ZNF541: variants seen among roughly 807,000 people sequenced by gnomAD.
ZNF541 encodes zinc finger protein 541.
Under a neutral mutation model 123.5 loss-of-function variants are expected in ZNF541, and 23 were observed. That is an observed-to-expected ratio of 0.19 (90% confidence interval 0.13 to 0.26). ZNF541 has a LOEUF of 0.26. Among genes scored for constraint, ZNF541 ranks in the 10% least tolerant of loss-of-function variants. ZNF541 has a pLI of 1.00. For missense variants in ZNF541, 1,612 were observed against 1,789.9 expected, an observed-to-expected ratio of 0.90 and a Z score of 1.79; for synonymous variants, 751 against 754.5, an observed-to-expected ratio of 1.00 and a Z score of 0.08.
chr19:47,539,983 G>T, intron 7 of ZNF541, 105 bp from the exon 8 acceptor site: 1 of 1,479,144 alleles, frequency 6.8e-7, no homozygotes, highest in Non-Finnish European at 8.9e-7. Flanking sequence ...CAGTGAGTCT[G>T]TGGCATGGAC....
intron 3 of ZNF541, among the ~76,000 whole-genome samples, chr19:47,551,819 C>A (rs941093813): frequency 6.6e-6 from 1 of 150,782 alleles, no homozygotes; most frequent in Non-Finnish European, 1.5e-5. Flanking sequence ...CAGGCGTGAA[C>A]CATACATAGC....
At chr19:47,552,727 A>C (rs1970652219) in intron 3 of ZNF541, among the ~76,000 whole-genome samples, 1 of 104,036 alleles carries the variant, frequency 9.6e-6, no homozygotes, top group African/African-American at 3.6e-5. Flanking sequence ...TGGGCGATAG[A>C]GCGAGACTCC....
intron 3 of ZNF541, among the ~76,000 whole-genome samples, chr19:47,555,144 C>T (rs931557980): frequency 2.0e-5 from 3 of 148,692 alleles, no homozygotes; most frequent in South Asian, 2.1e-4. Flanking sequence ...CTGAGGCGGG[C>T]GGATCATGAG....
chr19:47,543,767 C>A (rs924492889), intron 5 of ZNF541, among the ~76,000 whole-genome samples: 3 of 150,884 alleles, frequency 2.0e-5, no homozygotes, highest in Non-Finnish European at 3.0e-5. Flanking sequence ...CTCAGCCTCT[C>A]GAGTAGCTGG....
rs898005761 is a variant in ZNF541 at position 47,543,571 on chromosome 19, G to GA, written c.2403+554dup. ...AAGGCAAATCCAAAGGGAAACAAGAGAAAAAAAAAAGCAAAAAAGGCTTTG... is the reference window on the plus strand; with the variant it reads ...AAGGCAAATCCAAAGGGAAACAAGAGAAAAAAAAAAAGCAAAAAAGGCTTTG... On this transcript the variant is annotated intron_variant, in intron 5 of 16. Transcript: ENST00000391901. Among the ~76,000 whole-genome samples, 50 of 134,978 alleles carry GA rather than the reference G, an allele frequency of 3.7e-4. No homozygotes were observed. In the East Asian group the frequency reaches 6.4e-3, roughly 17 times the overall value. The allele number at this position is 134,978 out of a possible 152,430, so 88.6% of individuals were successfully genotyped here.
chr19:47,530,335 A>C (rs907940318), intron 12 of ZNF541, among the ~76,000 whole-genome samples: 2 of 131,906 alleles, frequency 1.5e-5, no homozygotes. Context: ...CTCCCTGCTA[A>C]TTTTTTTTTT....
chr19:47,521,134 G>A lies in ZNF541; in HGVS notation c.*90C>T, dbSNP rs1473820105. The A allele has an allele frequency of 4.1e-6, 6 of 1,453,128 alleles. No homozygotes were observed. In the African/African-American group the frequency reaches 7.1e-5, roughly 17 times the overall value. 90.0% of individuals were successfully genotyped at this position (1,453,128 alleles called of 1,614,324 possible). ...CCAACAGGGGACAGGGAGGGTGGGG[G>A]GAGGCAGAGGGGTGCCCCAAACGCC... On this transcript the variant is annotated 3_prime_UTR_variant, in exon 17 of 17. Coordinates refer to ENST00000391901, the MANE Select transcript of ZNF541 (RefSeq NM_001277075.3). The surrounding 1 kb of genome is among the most constrained non-coding windows in gnomAD (Gnocchi z 4.2).
At position 47,545,205 on chromosome 19, in the gene ZNF541, G is replaced by C; in HGVS notation, c.1324C>G (p.Arg442Gly). The C allele has an allele frequency of 6.5e-7, 1 of 1,528,602 alleles. No homozygotes were observed. 94.7% of individuals were successfully genotyped at this position (1,528,602 alleles called of 1,614,324 possible). ...VVHKPSAVPS[R>G]EGSESGPGPS... is the part of the protein sequence containing the mutation. ...CCCGGGCCAGACTCGGAGCCCTCCC[G>C]CGAGGGCACGGCCGAGGGCTTGTGG... Residue 442 changes from arginine (R) to glycine (G), a missense_variant, in exon 5 of 17, where the codon CGG (arginine) becomes GGG (glycine). Physicochemically the swap from Arg to Gly is moderately radical, Grantham distance 125. Around this residue, in one of 5 missense-constraint regions of ZNF541, gnomAD observed 1,080 missense variants for 1,013.8 expected, o/e 1.07. Coordinates refer to ENST00000391901, the MANE Select transcript of ZNF541 (RefSeq NM_001277075.3). This position sits in a 1 kb window ranked among gnomAD's most constrained non-coding sequence, Gnocchi z 7.5.
Position 47,526,481 on chromosome 19 carries a change from CA to C in ZNF541, c.3570+2468del, listed in dbSNP as rs71180847. Among the ~76,000 whole-genome samples, 79 of 34,944 alleles carry C rather than the reference CA, an allele frequency of 2.3e-3. 1 individual carries two copies. Among genetic ancestry groups the C allele is most frequent in the Middle Eastern group, 0.014 (1 of 74 alleles). The allele number at this position is 34,944 out of a possible 152,430, so 22.9% of individuals were successfully genotyped here. A position where few individuals can be genotyped will look rare whatever the true frequency, so the allele number is the denominator to read the frequency against. ...TGGGCAACAGAGTGAGACTCCATCTCAAAAAAAAAAAAAAAAAAAGAAAACA... is the reference window on the plus strand; with the variant it reads ...TGGGCAACAGAGTGAGACTCCATCTCAAAAAAAAAAAAAAAAAAGAAAACA... On this transcript the variant is annotated intron_variant, in intron 14 of 16. Coordinates refer to ENST00000391901, the MANE Select transcript of ZNF541 (RefSeq NM_001277075.3).
At chr19:47,571,611 CTT>C (rs1193661943) in intron 2 of ZNF541, among the ~76,000 whole-genome samples, 1 of 152,166 alleles carries the variant, frequency 6.6e-6, no homozygotes, top group Non-Finnish European at 1.5e-5. Context: ...TTACCTGTGC[CTT>C]ACCTGTAAGT....
intron 11 of ZNF541, 81 bp from the exon 12 acceptor site, chr19:47,531,826 C>T: frequency 7.9e-7 from 1 of 1,271,794 alleles, no homozygotes. Context: ...CGAAAGACAG[C>T]AGAGAGGGGG....
At chr19:47,524,513 C>G (rs1189990497) in intron 14 of ZNF541, among the ~76,000 whole-genome samples, 1 of 152,038 alleles carries the variant, frequency 6.6e-6, no homozygotes, top group Non-Finnish European at 1.5e-5. Flanking sequence ...TGAGACCACC[C>G]TGGCCAACAT....
chr19:47,547,226 C>T (rs1169115304), intron 4 of ZNF541, among the ~76,000 whole-genome samples: 3 of 152,092 alleles, frequency 2.0e-5, no homozygotes, highest in Admixed American at 1.3e-4. Flanking sequence ...CTGTGCCTTA[C>T]CGTAGGAGAC....
intron 3 of ZNF541, among the ~76,000 whole-genome samples, chr19:47,552,739 T>A (rs1421370308): frequency 6.0e-5 from 1 of 16,670 alleles, no homozygotes; most frequent in Admixed American, 1.2e-3. Context: ...CGAGACTCCA[T>A]CTCAAAAAAA....
chr19:47,548,133 A>G (rs1180215247), intron 4 of ZNF541, among the ~76,000 whole-genome samples: 1 of 151,656 alleles, frequency 6.6e-6, no homozygotes, highest in South Asian at 2.1e-4. Flanking sequence ...AAAAAACAAA[A>G]AAAAAAATAG....
Position 47,540,927 on chromosome 19 carries a change from G to C in ZNF541, c.2428C>G (p.His810Asp), listed in dbSNP as rs867999809. The C allele has an allele frequency of 4.5e-6, 7 of 1,550,868 alleles. No individual in the cohort carries two copies. Among genetic ancestry groups the C allele is most frequent in the East Asian group, 2.4e-5 (1 of 40,912 alleles). ...IQGGNIYRLP[H>D]PVKEENVAGR... ...GCCACATTCTCTTCCTTCACCGGAT[G>C]GGGGAGCCTGTAGATGTTTCCACCC... is the stretch of plus-strand genomic sequence containing the variant. The change falls in exon 6 of 17, where the codon CAT becomes GAT. Residue 810 changes from histidine (H) to aspartate (D), a missense_variant. Physicochemically the swap from His to Asp is moderately conservative, Grantham distance 81. Around this residue, in one of 5 missense-constraint regions of ZNF541, gnomAD observed 1,080 missense variants for 1,013.8 expected, o/e 1.07. Transcript: ENST00000391901.
intron 9 of ZNF541, among the ~76,000 whole-genome samples, chr19:47,534,959 C>G (rs925337458): frequency 1.3e-5 from 2 of 150,952 alleles, no homozygotes; most frequent in South Asian, 4.2e-4. Flanking sequence ...ACCTAAGAGT[C>G]AAAATTACAA....
intron 2 of ZNF541, among the ~76,000 whole-genome samples, chr19:47,558,352 C>G (rs2974191): frequency 6.6e-6 from 1 of 151,546 alleles, no homozygotes; most frequent in African/African-American, 2.4e-5. Context: ...GGAGGCGGAG[C>G]TTGCAGTGAG....
chr19:47,525,917 C>CAAAAAAA (rs34123668), intron 14 of ZNF541, among the ~76,000 whole-genome samples: 2 of 57,588 alleles, frequency 3.5e-5, no homozygotes, highest in Non-Finnish European at 7.8e-5. Context: ...CTCCGTCTCA[C>CAAAAAAA]AAAAAAAAAA....
Sources: allele counts gnomAD v4.1 joint callset (sites outside exome capture counted in the v4.1 genomes callset), GRCh38; gene constraint gnomAD v4.1.1; regional missense constraint gnomAD v4.1.1; non-coding constraint Gnocchi (gnomAD v3.1); transcripts MANE v1.5; gene names NCBI Gene and HGNC (gene_info 2026-07-23, HGNC 2026-07-21).